The following FRAS1 variants were observed in gnomAD, a reference collection of about 807,000 sequenced individuals.
FRAS1 encodes Fraser extracellular matrix complex subunit 1.
In FRAS1, 290 loss-of-function variants were observed where a neutral mutation model predicts 435.2. The ratio of observed to expected loss-of-function variants is 0.67; its 90% CI spans 0.61 to 0.73. FRAS1 has a LOEUF of 0.73. FRAS1 is among the 30% of genes least tolerant of loss of function. The probability of loss-of-function intolerance (pLI) is 0.00; values close to 1 mark genes in which losing one functional copy is unlikely to be tolerated. For synonymous variants in FRAS1, 1,800 were observed against 1,851.0 expected (o/e 0.97, Z 0.71); for missense variants, 4,860 against 5,001.5 (o/e 0.97, Z 0.85).
chr4:78,363,825 GACTTTATTACCC>G, intron 21 of FRAS1, 71 bp from the exon 22 acceptor site: 5 of 1,495,686 alleles, frequency 3.3e-6, no homozygotes, highest in Non-Finnish European at 4.5e-6. Flanking sequence ...TCAGTGTTGG[GACTTTATTACCC>G]ACACTTGGGG....
At chr4:78,201,436 A>G (rs1474913611) in intron 2 of FRAS1, among the ~76,000 whole-genome samples, 1 of 152,208 alleles carries the variant, frequency 6.6e-6, no homozygotes, top group Non-Finnish European at 1.5e-5. Context: ...TGTTTCACAG[A>G]TGGGGAATCT....
At chr4:78,191,574 G>T (rs1270221278) in intron 2 of FRAS1, among the ~76,000 whole-genome samples, 30 of 147,632 alleles carry the variant, frequency 2.0e-4, no homozygotes, top group African/African-American at 7.5e-4. Context: ...AAGTTTTAGG[G>T]TTCGTGTGCA....
At chr4:78,314,137 G>A (rs1729143484) in intron 15 of FRAS1, among the ~76,000 whole-genome samples, 1 of 151,446 alleles carries the variant, frequency 6.6e-6, no homozygotes, top group African/African-American at 2.4e-5. Context: ...ATGCTACCCA[G>A]GTCCTTGCCC....
At chr4:78,129,397 T>G (rs2109979874) in intron 2 of FRAS1, among the ~76,000 whole-genome samples, 1 of 152,302 alleles carries the variant, frequency 6.6e-6, no homozygotes, top group East Asian at 1.9e-4. Context: ...GGTAAACAGT[T>G]GAGGAAAATG....
At position 78,481,914 on chromosome 4, in the gene FRAS1, T is replaced by A; in HGVS notation, c.8554T>A (p.Tyr2852Asn). 6.2e-7 allele frequency: 1 copy of A among 1,613,870 alleles called. No individual in the cohort carries two copies. The highest frequency in any genetic ancestry group is 8.5e-7 in the Non-Finnish European group (1 of 1,179,822). Residue 2852 changes from tyrosine to asparagine, a missense_variant, in exon 57 of 74, where the codon TAC (tyrosine) becomes AAC (asparagine). Transcript: ENST00000512123. ...AGCTTCTGCCACACCAGGAGTTGAC[T>A]ACGTTCCCAGCTCTCGGAAGGTGGA... Reference protein sequence around the residue: ...DPASATPGVDYVPSSRKVEFG... With the variant: ...DPASATPGVDNVPSSRKVEFG...
At chr4:78,481,999 AC>A in intron 57 of FRAS1, 35 bp downstream of exon 57, 1 of 1,598,756 alleles carries the variant, frequency 6.3e-7, no homozygotes. Flanking sequence ...CACAAAGTTG[AC>A]AGGTCGGTTT....
intron 20 of FRAS1, among the ~76,000 whole-genome samples, chr4:78,341,376 G>A (rs1730391053): frequency 6.6e-6 from 1 of 152,188 alleles, no homozygotes; most frequent in South Asian, 2.1e-4. Flanking sequence ...TCTGGGAAGT[G>A]TCGCGACTGC....
rs556462502 is a variant in FRAS1, at chr4:78,174,065, C to G, written c.109-63445C>G. 1.4e-4 allele frequency among the ~76,000 whole-genome samples: 22 copies of G among 152,332 alleles called. No individual in the cohort carries two copies. In the South Asian group the frequency reaches 3.9e-3, roughly 27 times the overall value. On this transcript the variant is annotated intron_variant, in intron 2 of 73. Transcript: ENST00000512123. ...CTCTGTCTCCCGTGTTTCAACTGAA[C>G]ACACAGCTGAATCCGGGAGATCAGA... is the stretch of plus-strand genomic sequence containing the variant.
chr4:78,436,629 A>G (rs1008567716), intron 38 of FRAS1, among the ~76,000 whole-genome samples: 4 of 152,194 alleles, frequency 2.6e-5, no homozygotes, highest in Non-Finnish European at 5.9e-5. Context: ...GAACCTAAAG[A>G]CAGATGAATT....
Position 78,127,540 on chromosome 4 carries a change from G to T in FRAS1, c.108+61524G>T, listed in dbSNP as rs533079366. ...GAGGGATTTGGGAGATATTTAAGAA[G>T]TAAGGTCATTAAGACTTGGTAGATA... On this transcript the variant is annotated intron_variant, in intron 2 of 73. Transcript: ENST00000512123. Among the ~76,000 whole-genome samples the T allele has an allele frequency of 3.3e-5, 5 of 152,182 alleles. No homozygotes were observed. The South Asian group carries it at 8.3e-4, about 25-fold the overall frequency.
chr4:78,510,811 G>T (rs1721011697), intron 63 of FRAS1, among the ~76,000 whole-genome samples: 1 of 152,144 alleles, frequency 6.6e-6, no homozygotes, highest in Non-Finnish European at 1.5e-5. Context: ...AGGGAGATGG[G>T]ATGATCGAGG....
At chr4:78,247,057 A>G (rs60862246) in intron 4 of FRAS1, among the ~76,000 whole-genome samples, 2,411 of 152,280 alleles carry the variant, frequency 0.016, 38 homozygotes, top group East Asian at 0.042. Flanking sequence ...CAACTTCTCT[A>G]TGACCTCATC....
chr4:78,140,813 A>T (rs2109997652), intron 2 of FRAS1, among the ~76,000 whole-genome samples: 1 of 151,894 alleles, frequency 6.6e-6, no homozygotes, highest in East Asian at 1.9e-4. Context: ...ATGGAATACT[A>T]CTCAGCCATA....
intron 18 of FRAS1, among the ~76,000 whole-genome samples, chr4:78,326,220 A>G (rs771975345): frequency 1.3e-5 from 2 of 152,224 alleles, no homozygotes; most frequent in Non-Finnish European, 2.9e-5. Context: ...AAGCTGCTGC[A>G]CTAACCCAAG....
chr4:78,457,676 C>T (rs1010216992), intron 47 of FRAS1, among the ~76,000 whole-genome samples: 4 of 152,226 alleles, frequency 2.6e-5, no homozygotes, highest in Non-Finnish European at 4.4e-5. Flanking sequence ...CGAGTCTAGA[C>T]GTCTTAAATC....
chr4:78,275,536 C>T (rs969885380), intron 9 of FRAS1, among the ~76,000 whole-genome samples: 6 of 152,132 alleles, frequency 3.9e-5, no homozygotes, highest in Non-Finnish European at 5.9e-5. Context: ...TCAGCATTTG[C>T]TTGTCTCTAA....
chr4:78,201,460 A>T (rs1192230861), intron 2 of FRAS1, among the ~76,000 whole-genome samples: 1 of 152,156 alleles, frequency 6.6e-6, no homozygotes, highest in Non-Finnish European at 1.5e-5. Flanking sequence ...CTTGCTTTGG[A>T]TAAGAAACCC....
At chr4:78,373,543 G>A (rs996740063) in intron 24 of FRAS1, among the ~76,000 whole-genome samples, 20 of 151,176 alleles carry the variant, frequency 1.3e-4, no homozygotes, top group African/African-American at 2.9e-4. Context: ...TTTGGGAGGC[G>A]GAGGCAGACA....
At position 78,518,497 on chromosome 4, in the gene FRAS1, A is replaced by T. The variant is rs189476241; in HGVS notation, c.10390-834A>T. 3.2e-3 allele frequency among the ~76,000 whole-genome samples: 474 copies of T among 149,284 alleles called. 7 individuals carry two copies. Among genetic ancestry groups the T allele is most frequent in the African/African-American group, 0.011 (432 of 40,452 alleles). ...GTGGAAAAAAGTATAAAAATATTTT[A>T]AAAATGTGTGAACTAACTCCCCATT... On this transcript the variant is annotated intron_variant, in intron 66 of 73. Transcript: ENST00000512123.
Sources: allele counts gnomAD v4.1 joint callset (sites outside exome capture counted in the v4.1 genomes callset), GRCh38; gene constraint gnomAD v4.1.1; transcripts MANE v1.5; gene names NCBI Gene and HGNC (gene_info 2026-07-23, HGNC 2026-07-21).